KIF13B: variants seen among roughly 807,000 people sequenced by gnomAD.
KIF13B encodes kinesin-like protein KIF13B.
Under a neutral mutation model 222.0 loss-of-function variants are expected in KIF13B, and 127 were observed. The observed-to-expected ratio is 0.57, with a 90% CI of 0.50 to 0.66. The LOEUF is 0.66. Among genes scored for constraint, KIF13B ranks in the 30% least tolerant of loss-of-function variants. The pLI, the probability that KIF13B is intolerant of heterozygous loss-of-function variation, is 0.00. For missense variants in KIF13B, 2,173 were observed against 2,379.0 expected (o/e 0.91, Z 1.80); for synonymous variants, 976 against 919.0 (o/e 1.06, Z -1.12).
intron 37 of KIF13B, among the ~76,000 whole-genome samples, chr8:29,080,782 G>C (rs1004086255): frequency 6.6e-6 from 1 of 151,998 alleles, no homozygotes; most frequent in African/African-American, 2.4e-5. Flanking sequence ...GCCGACCCCC[G>C]CCCGAGCCAC....
chr8:29,161,086 T>G lies in KIF13B; in HGVS notation c.1270-219A>C, dbSNP rs532154235. Among the ~76,000 whole-genome samples, 5 of 152,370 alleles carry G rather than the reference T, an allele frequency of 3.3e-5. No homozygotes were observed. The South Asian group carries it at 8.3e-4, about 25-fold the overall frequency. ...TTTGAAAAATAAAGTCTATTACATA[T>G]AGTAACTAATTGTACTAGTGATTCT... is the stretch of plus-strand genomic sequence containing the variant. On this transcript the variant is annotated intron_variant, in intron 12 of 39. Transcript: ENST00000524189.
At chr8:29,229,952 A>C (rs777137247) in intron 2 of KIF13B, among the ~76,000 whole-genome samples, 1 of 152,246 alleles carries the variant, frequency 6.6e-6, no homozygotes, top group Non-Finnish European at 1.5e-5. Context: ...TTTGAAAAGA[A>C]TATTACTTAA....
chr8:29,205,264 A>G (rs1813879101), intron 2 of KIF13B, among the ~76,000 whole-genome samples: 1 of 152,224 alleles, frequency 6.6e-6, no homozygotes, highest in Non-Finnish European at 1.5e-5. Context: ...GTAGAAAATT[A>G]GAAGACATCA....
chr8:29,172,086 T>TC (rs1336210866), intron 10 of KIF13B, among the ~76,000 whole-genome samples: 7 of 143,496 alleles, frequency 4.9e-5, no homozygotes, highest in Admixed American at 1.4e-4. Context: ...TCTTTTCTTT[T>TC]TTTTTTTTTT....
intron 15 of KIF13B, among the ~76,000 whole-genome samples, chr8:29,148,991 T>C (rs1811183943): frequency 6.6e-6 from 1 of 152,056 alleles, no homozygotes; most frequent in South Asian, 2.1e-4. Flanking sequence ...TGTGACAAGC[T>C]CAGAGTGAAA....
intron 14 of KIF13B, among the ~76,000 whole-genome samples, chr8:29,154,137 C>T (rs1811415066): frequency 6.6e-6 from 1 of 152,078 alleles, no homozygotes; most frequent in African/African-American, 2.4e-5. Context: ...ATATCAAAAC[C>T]CTGTATCTAC....
At chr8:29,152,385 A>G (rs1380106708) in intron 14 of KIF13B, among the ~76,000 whole-genome samples, 1 of 152,210 alleles carries the variant, frequency 6.6e-6, no homozygotes, top group African/African-American at 2.4e-5. Context: ...ACTACCAAAC[A>G]GCAACACAGG....
intron 4 of KIF13B, 66 bp from the exon 5 acceptor site, chr8:29,188,673 C>CA: frequency 1.0e-6 from 1 of 999,280 alleles, no homozygotes; most frequent in Non-Finnish European, 1.5e-6. Context: ...ATTCACAAAA[C>CA]AAAAACAAAA....
chr8:29,114,446 T>C lies in KIF13B; in HGVS notation c.3838-891A>G, dbSNP rs377359760. On this transcript the variant is annotated intron_variant, in intron 31 of 39. Transcript: ENST00000524189. ...TAATTCTCTCCCTTAACTTTAGCCT[T>C]GCAGTGCTGAGCCAAGGCTAATTAC... 2.0e-5 allele frequency among the ~76,000 whole-genome samples: 3 copies of C among 152,344 alleles called. No individual in the cohort carries two copies. In the East Asian group the frequency reaches 5.8e-4, roughly 29 times the overall value.
intron 21 of KIF13B, among the ~76,000 whole-genome samples, chr8:29,137,086 C>T (rs533338432): frequency 4.6e-5 from 7 of 152,214 alleles, no homozygotes; most frequent in South Asian, 2.1e-4. Context: ...AGACGTGAGC[C>T]GCCGCGCCCG....
intron 15 of KIF13B, among the ~76,000 whole-genome samples, chr8:29,150,000 T>C (rs2130014224): frequency 6.6e-6 from 1 of 152,204 alleles, no homozygotes; most frequent in Non-Finnish European, 1.5e-5. Flanking sequence ...CAGAAAAACA[T>C]TAATAAATTC....
intron 18 of KIF13B, 73 bp from the exon 19 acceptor site, chr8:29,142,376 C>G: frequency 7.5e-7 from 1 of 1,336,798 alleles, no homozygotes; most frequent in Non-Finnish European, 1.0e-6. Flanking sequence ...ATTCCACCCC[C>G]ATCAGTCAAA....
At chr8:29,180,435 C>A (rs1017830243) in intron 7 of KIF13B, among the ~76,000 whole-genome samples, 197 bp from the exon 8 acceptor site, 2 of 152,316 alleles carry the variant, frequency 1.3e-5, no homozygotes, top group East Asian at 1.9e-4. Context: ...CAAAGTACAT[C>A]ATTTGCTACA....
At chr8:29,197,790 T>C (rs181241091) in intron 2 of KIF13B, among the ~76,000 whole-genome samples, 2 of 152,290 alleles carry the variant, frequency 1.3e-5, no homozygotes, top group Admixed American at 1.3e-4. Flanking sequence ...CTAAGTCCGG[T>C]TGGACAAGCT....
intron 2 of KIF13B, among the ~76,000 whole-genome samples, chr8:29,215,493 A>G (rs191539493): frequency 6.6e-6 from 1 of 152,312 alleles, no homozygotes; most frequent in East Asian, 1.9e-4. Context: ...TTCAAGGACC[A>G]GCTTGAGCAA....
At chr8:29,218,211 G>A (rs1814580726) in intron 2 of KIF13B, among the ~76,000 whole-genome samples, 2 of 152,144 alleles carry the variant, frequency 1.3e-5, no homozygotes, top group Admixed American at 6.5e-5. Context: ...TCCTGCAATG[G>A]AAATCCTCAG....
intron 14 of KIF13B, among the ~76,000 whole-genome samples, chr8:29,152,316 C>T (rs1385108814): frequency 6.6e-6 from 1 of 152,148 alleles, no homozygotes; most frequent in African/African-American, 2.4e-5. Context: ...GTTGATAAAG[C>T]AGTGTCAGGG....
chr8:29,157,087 T>C lies in KIF13B; in HGVS notation c.1405-1231A>G, dbSNP rs1012350435. ...GTCAATCAGGGAAAACCTTACAGAT[T>C]TTTCCTCCAAGGTCTATCAAGAATA... On this transcript the variant is annotated intron_variant, in intron 13 of 39. Coordinates refer to ENST00000524189, the MANE Select transcript of KIF13B (RefSeq NM_015254.4). Among the ~76,000 whole-genome samples, 5 of 151,918 alleles carry C rather than the reference T, an allele frequency of 3.3e-5. No homozygotes were observed. The East Asian group carries it at 9.7e-4, about 30-fold the overall frequency.
intron 2 of KIF13B, among the ~76,000 whole-genome samples, chr8:29,210,907 T>C (rs1375569277): frequency 6.6e-6 from 1 of 152,174 alleles, no homozygotes; most frequent in Non-Finnish European, 1.5e-5. Context: ...AAGAGGTACC[T>C]GGTAAAATGA....
Sources: gnomAD v4.1 joint callset for allele counts (sites outside exome capture counted in the v4.1 genomes callset) on GRCh38, gnomAD v4.1.1 for gene constraint, MANE v1.5 for transcripts, NCBI Gene and HGNC (gene_info 2026-07-23, HGNC 2026-07-21) for gene names.